Variants in CNTN5 observed in about 807,000 individuals in gnomAD.
CNTN5 encodes the protein contactin 5.
A neutral mutation model predicts 129.1 loss-of-function variants in CNTN5; 77 were observed. That is an observed-to-expected ratio of 0.60 (90% CI 0.50 to 0.72). The LOEUF (loss-of-function observed/expected upper bound fraction) is 0.72. Ranked by LOEUF, CNTN5 falls within the 30% of genes least tolerant of loss-of-function variation. The pLI is 0.00. For missense variants in CNTN5, 1,478 were observed against 1,328.8 expected, an observed-to-expected ratio of 1.11 and a Z score of -1.75; for synonymous variants, 509 against 465.6, an observed-to-expected ratio of 1.09 and a Z score of -1.20.
chr11:99,962,412 G>T (rs890872698), intron 8 of CNTN5, among the ~76,000 whole-genome samples: 1 of 151,084 alleles, frequency 6.6e-6, no homozygotes, highest in Admixed American at 6.6e-5. Flanking sequence ...GCAGTGTTTG[G>T]TTTTTTGTCC....
intron 3 of CNTN5, among the ~76,000 whole-genome samples, chr11:99,705,502 T>C (rs927373515): frequency 2.0e-5 from 3 of 151,416 alleles, no homozygotes; most frequent in African/African-American, 7.3e-5. Flanking sequence ...ATTGAATATA[T>C]TTATTCTGTA....
At chr11:100,288,883 G>A (rs1477470048) in intron 18 of CNTN5, among the ~76,000 whole-genome samples, 1 of 152,006 alleles carries the variant, frequency 6.6e-6, no homozygotes, top group Non-Finnish European at 1.5e-5. Flanking sequence ...AAGAAAAAAA[G>A]AGAGAAGAAT....
intron 6 of CNTN5, among the ~76,000 whole-genome samples, chr11:99,868,913 G>T (rs1324275787): frequency 5.9e-5 from 9 of 152,086 alleles, no homozygotes; most frequent in Admixed American, 1.3e-4. Context: ...GGAAGAATGG[G>T]AAAGAAAAGA....
chr11:99,640,777 T>G (rs1050912996), intron 3 of CNTN5, among the ~76,000 whole-genome samples: 4 of 152,192 alleles, frequency 2.6e-5, no homozygotes, highest in African/African-American at 9.6e-5. Context: ...GTAAGTATAC[T>G]CTGATATTTG....
At chr11:99,341,400 A>G (rs770359068) in intron 2 of CNTN5, among the ~76,000 whole-genome samples, 2 of 152,188 alleles carry the variant, frequency 1.3e-5, no homozygotes, top group Non-Finnish European at 2.9e-5. Flanking sequence ...ATTTCATAGT[A>G]TGCCTTTTTG....
rs555940455 is a variant in CNTN5, at chr11:100,045,375, C to T, written c.981-15837C>T. Among the ~76,000 whole-genome samples, 14 of 152,032 alleles carry T rather than the reference C, an allele frequency of 9.2e-5. No homozygotes were observed. The South Asian group carries it at 1.7e-3, about 18-fold the overall frequency. ...AATAATTAGGGGCCAACTATAATTA[C>T]GCATTGTGGGCTCCAAAACACAAAC... On this transcript the variant is annotated intron_variant, in intron 9 of 24. Coordinates refer to ENST00000524871, the MANE Select transcript of CNTN5 (RefSeq NM_014361.4).
chr11:100,066,833 C>CAA (rs34290071), intron 10 of CNTN5, among the ~76,000 whole-genome samples: 13,037 of 124,768 alleles, frequency 0.1, 831 homozygotes, highest in East Asian at 0.22. Context: ...AGTCCTCTGC[C>CAA]AAAAAAAAAA....
At position 100,346,637 on chromosome 11, in the gene CNTN5, C is replaced by T. The variant is rs192379976; in HGVS notation, c.3031-4065C>T. Among the ~76,000 whole-genome samples, 699 of 152,140 alleles carry T rather than the reference C, an allele frequency of 4.6e-3. 5 individuals carry two copies. The highest frequency in any genetic ancestry group is 6.8e-3 in the Middle Eastern group (2 of 294). Reference sequence around the variant, plus strand: ...TTTCAAATCTGTATCTAGAAAATAGCCTTTCCTAGATATACAACCCCTTCA... The same window carrying T: ...TTTCAAATCTGTATCTAGAAAATAGTCTTTCCTAGATATACAACCCCTTCA... On this transcript the variant is annotated intron_variant, in intron 23 of 24. Coordinates refer to ENST00000524871, the MANE Select transcript of CNTN5 (RefSeq NM_014361.4).
intron 13 of CNTN5, among the ~76,000 whole-genome samples, chr11:100,165,137 T>A (rs1186561327): frequency 6.6e-6 from 1 of 151,530 alleles, no homozygotes; most frequent in South Asian, 2.1e-4. Flanking sequence ...AAATAAAAAA[T>A]TAAAGAGGCA....
intron 16 of CNTN5, among the ~76,000 whole-genome samples, chr11:100,238,193 T>C (rs1281697502): frequency 1.3e-5 from 2 of 152,136 alleles, no homozygotes; most frequent in Non-Finnish European, 2.9e-5. Context: ...GGGTTTAGTC[T>C]ATTGCTGATA....
chr11:99,749,229 T>A (rs370770549), intron 3 of CNTN5, among the ~76,000 whole-genome samples: 2 of 152,216 alleles, frequency 1.3e-5, no homozygotes. Flanking sequence ...CCCAAGCATT[T>A]TGGGAACAGG....
chr11:99,779,509 A>T (rs952957240), intron 3 of CNTN5, among the ~76,000 whole-genome samples: 1 of 151,940 alleles, frequency 6.6e-6, no homozygotes, highest in African/African-American at 2.4e-5. Context: ...AGACTGGTAA[A>T]TTTCCAGCTT....
intron 16 of CNTN5, among the ~76,000 whole-genome samples, chr11:100,253,582 T>C (rs1291927742): frequency 6.6e-6 from 1 of 152,152 alleles, no homozygotes; most frequent in African/African-American, 2.4e-5. Context: ...CTATTAGTAT[T>C]ATTATAGTTA....
intron 1 of CNTN5, among the ~76,000 whole-genome samples, chr11:99,194,611 T>A (rs1011288804): frequency 2.0e-5 from 3 of 152,160 alleles, no homozygotes; most frequent in Non-Finnish European, 2.9e-5. Flanking sequence ...TTGAATTATT[T>A]TTTTTTCTTT....
chr11:100,062,234 A>G (rs1486129751), intron 10 of CNTN5, among the ~76,000 whole-genome samples: 1 of 152,196 alleles, frequency 6.6e-6, no homozygotes, highest in African/African-American at 2.4e-5. Flanking sequence ...TTGAATATAT[A>G]GTTATCCAAA....
intron 3 of CNTN5, among the ~76,000 whole-genome samples, chr11:99,747,968 C>A (rs1036639272): frequency 6.6e-6 from 1 of 152,112 alleles, no homozygotes; most frequent in African/African-American, 2.4e-5. Flanking sequence ...TTGATACTAT[C>A]ACATGATTTT....
intron 8 of CNTN5, among the ~76,000 whole-genome samples, chr11:99,974,560 A>T (rs11222118): frequency 0.07 from 10,699 of 152,252 alleles, 764 homozygotes; most frequent in East Asian, 0.31. Flanking sequence ...GTCATGAAGG[A>T]TATTCTTCTC....
At chr11:99,693,061 T>A (rs189856571) in intron 3 of CNTN5, among the ~76,000 whole-genome samples, 2,334 of 152,084 alleles carry the variant, frequency 0.015, 61 homozygotes, top group African/African-American at 0.053. Flanking sequence ...GAAGAAAAAA[T>A]TTTCAAGCTG....
At chr11:99,708,251 A>C (rs2134929526) in intron 3 of CNTN5, among the ~76,000 whole-genome samples, 1 of 151,872 alleles carries the variant, frequency 6.6e-6, no homozygotes. Context: ...AAATTTTCAG[A>C]CCTTTTAAGA....
Sources: allele counts gnomAD v4.1 joint callset (sites outside exome capture counted in the v4.1 genomes callset), GRCh38; gene constraint gnomAD v4.1.1; transcripts MANE v1.5; gene names NCBI Gene and HGNC (gene_info 2026-07-23, HGNC 2026-07-21).